The following ROR1 variants were observed in gnomAD, a reference collection of about 807,000 sequenced individuals.
ROR1 encodes the protein ROR family WNT receptor 1, also known as inactive tyrosine-protein kinase transmembrane receptor ROR1.
In ROR1, 19 loss-of-function variants were observed where a neutral mutation model predicts 78.8. The observed-to-expected ratio is 0.24, with a 90% CI of 0.17 to 0.35. ROR1 has a LOEUF of 0.35. Ranked by LOEUF, ROR1 falls within the 10% of genes least tolerant of loss-of-function variation. ROR1 has a pLI of 1.00. For missense variants in ROR1, 917 were observed against 1,177.8 expected, an observed-to-expected ratio of 0.78 and a Z score of 3.24; for synonymous variants, 386 against 433.6, an observed-to-expected ratio of 0.89 and a Z score of 1.36.
At chr1:64,134,032 G>T (rs936315807) in intron 4 of ROR1, among the ~76,000 whole-genome samples, 2 of 152,126 alleles carry the variant, frequency 1.3e-5, no homozygotes, top group African/African-American at 4.8e-5. Context: ...GCCCCTCTAA[G>T]CAGTGCAAAA....
intron 4 of ROR1, among the ~76,000 whole-genome samples, chr1:64,128,544 A>G (rs1569819996): frequency 6.6e-6 from 1 of 152,046 alleles, no homozygotes; most frequent in Non-Finnish European, 1.5e-5. Context: ...CACATTTCAG[A>G]TTGCTAGAGG....
intron 4 of ROR1, among the ~76,000 whole-genome samples, chr1:64,088,234 C>A (rs536405972): frequency 6.6e-6 from 1 of 152,248 alleles, no homozygotes; most frequent in African/African-American, 2.4e-5. Context: ...TATAATTATA[C>A]ACCTTCTCAT....
intron 1 of ROR1, among the ~76,000 whole-genome samples, chr1:63,914,058 T>A (rs1037706861): frequency 6.9e-6 from 1 of 145,836 alleles, no homozygotes; most frequent in African/African-American, 2.5e-5. Context: ...GATGGCTAAG[T>A]TTGGGAAGCC....
intron 2 of ROR1, among the ~76,000 whole-genome samples, chr1:64,015,528 T>C (rs1202706627): frequency 2.6e-5 from 4 of 152,198 alleles, no homozygotes; most frequent in African/African-American, 7.2e-5. Flanking sequence ...CCTTGGCACA[T>C]GGTCTATTTA....
intron 1 of ROR1, among the ~76,000 whole-genome samples, chr1:63,930,172 G>T (rs548296868): frequency 1.3e-5 from 2 of 152,060 alleles, no homozygotes; most frequent in Non-Finnish European, 2.9e-5. Flanking sequence ...GAGTCCATGT[G>T]TTTTCATTGT....
At chr1:63,825,397 A>G (rs1644947244) in intron 1 of ROR1, among the ~76,000 whole-genome samples, 1 of 152,246 alleles carries the variant, frequency 6.6e-6, no homozygotes, top group African/African-American at 2.4e-5. Context: ...CCTCAAAAAC[A>G]TTATGCTAAG....
At chr1:63,985,571 A>G (rs1646243952) in intron 1 of ROR1, among the ~76,000 whole-genome samples, 2 of 152,054 alleles carry the variant, frequency 1.3e-5, no homozygotes, top group South Asian at 4.1e-4. Context: ...TTTGTTTCAT[A>G]CACAAAATTA....
intron 1 of ROR1, among the ~76,000 whole-genome samples, chr1:63,954,201 G>A (rs1460645968): frequency 1.3e-5 from 2 of 152,234 alleles, no homozygotes; most frequent in African/African-American, 4.8e-5. Flanking sequence ...CTAATTGGTA[G>A]CCCTCATTTG....
chr1:64,127,719 T>A (rs894547011), intron 4 of ROR1, among the ~76,000 whole-genome samples: 2 of 152,204 alleles, frequency 1.3e-5, no homozygotes, highest in South Asian at 4.1e-4. Context: ...CTGTTGAGCA[T>A]AGAATAAAAT....
In ROR1 at chr1:64,088,679, G is replaced by A. The variant is rs547781092; in HGVS notation, c.482+37963G>A. ...CTGATCCCACCATTTGTAACCAAGT[G>A]TCCTGAGTGACATAAATAATTAAAT... On this transcript the variant is annotated intron_variant, in intron 4 of 8. Coordinates refer to ENST00000371079, the MANE Select transcript of ROR1 (RefSeq NM_005012.4). 8.7e-4 allele frequency among the ~76,000 whole-genome samples: 132 copies of A among 152,204 alleles called. 1 individual carries two copies. Among genetic ancestry groups the A allele is most frequent in the Non-Finnish European group, 2.9e-5 (2 of 68,012 alleles).
chr1:63,868,534 G>A (rs1390355040), intron 1 of ROR1, among the ~76,000 whole-genome samples: 1 of 152,204 alleles, frequency 6.6e-6, no homozygotes, highest in Non-Finnish European at 1.5e-5. Flanking sequence ...TTGAACTTCA[G>A]TTTCTAAATC....
intron 4 of ROR1, among the ~76,000 whole-genome samples, chr1:64,069,972 C>T (rs1646990487): frequency 6.6e-6 from 1 of 152,120 alleles, no homozygotes; most frequent in Admixed American, 6.6e-5. Context: ...CCAAAAATTC[C>T]TCCTGTACCC....
chr1:64,042,685 C>T (rs556894988), intron 2 of ROR1, among the ~76,000 whole-genome samples: 22 of 152,198 alleles, frequency 1.4e-4, no homozygotes, highest in East Asian at 3.9e-4. Context: ...AGAAGTCCCC[C>T]GCTATTTTCG....
chr1:63,875,214 G>GTTATTATA lies in ROR1; in HGVS notation c.91+100706_91+100707insTTATTATA, dbSNP rs1158639168. Among the ~76,000 whole-genome samples the GTTATTATA allele has an allele frequency of 3.9e-5, 6 of 152,266 alleles. No homozygotes were observed. The South Asian group carries it at 8.3e-4, about 21-fold the overall frequency. On this transcript the variant is annotated intron_variant, in intron 1 of 8. Coordinates refer to ENST00000371079, the MANE Select transcript of ROR1 (RefSeq NM_005012.4). ...GTACTTATTTATACAGTTATTATAAGGAGTAAATAAATTAGTTTGTGCTGA... is the reference window on the plus strand; with the variant it reads ...GTACTTATTTATACAGTTATTATAAGTTATTATAGAGTAAATAAATTAGTTTGTGCTGA...
At position 64,054,140 on chromosome 1, in the gene ROR1, G is replaced by T. The variant is rs1210618627; in HGVS notation, c.482+3424G>T. 2.6e-5 allele frequency among the ~76,000 whole-genome samples: 4 copies of T among 152,108 alleles called. No individual in the cohort carries two copies. In the South Asian group the frequency reaches 8.3e-4, roughly 32 times the overall value. On this transcript the variant is annotated intron_variant, in intron 4 of 8. Transcript: ENST00000371079. ...GGCAAATTTTTGTATGTTTTACAGAGATGGGGTTTCTCCATGTTGGCCGGG... is the reference window on the plus strand; with the variant it reads ...GGCAAATTTTTGTATGTTTTACAGATATGGGGTTTCTCCATGTTGGCCGGG...
At chr1:63,834,828 A>C (rs1053187266) in intron 1 of ROR1, among the ~76,000 whole-genome samples, 2 of 152,084 alleles carry the variant, frequency 1.3e-5, no homozygotes, top group African/African-American at 4.8e-5. Flanking sequence ...GAACTTGTAT[A>C]TAATGACCAG....
intron 1 of ROR1, among the ~76,000 whole-genome samples, chr1:63,828,371 A>C (rs1644967711): frequency 1.3e-5 from 2 of 152,202 alleles, no homozygotes; most frequent in South Asian, 2.1e-4. Flanking sequence ...ATATGTTTTA[A>C]AACATTTTTC....
At chr1:63,787,137 C>T (rs998174222) in intron 1 of ROR1, among the ~76,000 whole-genome samples, 8 of 152,148 alleles carry the variant, frequency 5.3e-5, no homozygotes, top group South Asian at 2.1e-4. Context: ...AGCTCAGACT[C>T]TTTCCTCTTT....
chr1:63,856,221 T>C (rs1645147634), intron 1 of ROR1, among the ~76,000 whole-genome samples: 1 of 152,210 alleles, frequency 6.6e-6, no homozygotes, highest in African/African-American at 2.4e-5. Flanking sequence ...TTTTGAACTT[T>C]GTTCTGGAAT....
Sources: allele counts gnomAD v4.1 joint callset (sites outside exome capture counted in the v4.1 genomes callset), GRCh38; gene constraint gnomAD v4.1.1; transcripts MANE v1.5; gene names NCBI Gene and HGNC (gene_info 2026-07-23, HGNC 2026-07-21).